The following SIGLEC7 variants were observed in gnomAD, a reference collection of about 807,000 sequenced individuals.
SIGLEC7 encodes the protein sialic acid binding Ig like lectin 7, also known as sialic acid-binding Ig-like lectin 7.
SIGLEC7 carries 33 observed loss-of-function variants against 40.8 expected under a neutral mutation model. The observed-to-expected ratio is 0.81, with a 90% CI of 0.61 to 1.08. SIGLEC7 has a LOEUF of 1.08. SIGLEC7 is among the 50% of genes least tolerant of loss of function. SIGLEC7 has a pLI of 0.00. For synonymous variants in SIGLEC7, 242 were observed against 237.6 expected, an observed-to-expected ratio of 1.02 and a Z score of -0.17; for missense variants, 513 against 576.1, an observed-to-expected ratio of 0.89 and a Z score of 1.12.
At chr19:51,150,358 G>T (rs1050750683) in intron 6 of SIGLEC7, among the ~76,000 whole-genome samples, 1 of 152,164 alleles carries the variant, frequency 6.6e-6, no homozygotes. Context: ...AACACGAAGC[G>T]ATGCTGAATT....
chr19:51,145,976 C>T lies in SIGLEC7; in HGVS notation c.882C>T (p.Thr294=), dbSNP rs1599832072. 1.2e-5 allele frequency: 19 copies of T among 1,614,220 alleles called. No individual in the cohort carries two copies. The East Asian group carries it at 4.2e-4, about 36-fold the overall frequency. ...TGAGCTGGACCTGGAGGAGTCTGAC[C>T]CTGTACCCCTCACAGCCCTCAAACC... The part of the protein sequence containing the change: ...ARLSWTWRSL[T]LYPSQPSNPL... Residue 294 remains threonine (T), a synonymous_variant, in exon 4 of 7, where the codon ACC becomes ACT. Transcript: ENST00000317643. This position sits in a 1 kb window ranked among gnomAD's most constrained non-coding sequence, Gnocchi z 4.3.
Position 51,147,284 on chromosome 19 carries a change from G to A in SIGLEC7, c.1188G>A (p.Lys396=). The part of the protein sequence containing the change: ...PAADVGDIGM[K]DANTIRGSAS... ...CGGACGTGGGAGACATAGGCATGAA[G>A]GATGCAAACACCATCAGGGGCTCAG... The change falls in exon 6 of 7, where the codon AAG becomes AAA. Residue 396 remains lysine, a synonymous_variant. Transcript: ENST00000317643. 1.2e-6 allele frequency: 2 copies of A among 1,612,190 alleles called. No individual in the cohort carries two copies. The highest frequency in any genetic ancestry group is 8.5e-7 in the Non-Finnish European group (1 of 1,178,786).
intron 1 of SIGLEC7, among the ~76,000 whole-genome samples, chr19:51,143,637 G>A (rs1290252876): frequency 2.6e-5 from 4 of 152,030 alleles, no homozygotes; most frequent in African/African-American, 9.7e-5. Flanking sequence ...CTGGGTTGAG[G>A]TCTCCAGCTC....
intron 1 of SIGLEC7, chr19:51,144,191 G>A (rs1300597601): frequency 1.3e-6 from 1 of 770,458 alleles, no homozygotes; most frequent in African/African-American, 1.7e-5. Context: ...GCAGCTCTCT[G>A]TGAATGTGAC....
At chr19:51,146,893 G>A in intron 5 of SIGLEC7, 43 bp downstream of exon 5, 1 of 1,572,230 alleles carries the variant, frequency 6.4e-7, no homozygotes. Flanking sequence ...CCTGGGGGAG[G>A]GCGGACTGGG....
chr19:51,142,887 G>T lies in SIGLEC7; in HGVS notation c.433+85G>T. 1 of 1,393,506 alleles carries T rather than the reference G, an allele frequency of 7.2e-7. No homozygotes were observed. Among genetic ancestry groups the T allele is most frequent in the Non-Finnish European group, 9.8e-7 (1 of 1,019,712 alleles). 86.3% of individuals were successfully genotyped at this position (1,393,506 alleles called of 1,614,324 possible). On this transcript the variant is annotated intron_variant, in intron 1 of 6. Coordinates refer to ENST00000317643, the MANE Select transcript of SIGLEC7 (RefSeq NM_014385.4). This position sits in a 1 kb window ranked among gnomAD's most constrained non-coding sequence, Gnocchi z 5.0. ...CTGAGACGGGACACATGTCCTGGGA[G>T]GGGGCCGGGGGTGATGGACTCAGGA...
intron 6 of SIGLEC7, among the ~76,000 whole-genome samples, chr19:51,151,300 G>T (rs2092141725): frequency 6.6e-6 from 1 of 152,230 alleles, no homozygotes. Flanking sequence ...GAATGGAGGT[G>T]CCAATCATTG....
In SIGLEC7 at chr19:51,153,423, A is replaced by G; in HGVS notation, c.*178A>G. On this transcript the variant is annotated 3_prime_UTR_variant, in exon 7 of 7. Transcript: ENST00000317643. Reference sequence around the variant, plus strand: ...ACCAAACTCTCCCTTTCCCCATCCAATCGGTCCACACTCCCCGCCCTGGCC... The same window carrying G: ...ACCAAACTCTCCCTTTCCCCATCCAGTCGGTCCACACTCCCCGCCCTGGCC... 1 of 453,288 alleles carries G rather than the reference A, an allele frequency of 2.2e-6. No individual in the cohort carries two copies. 28.1% of individuals were successfully genotyped at this position (453,288 alleles called of 1,614,324 possible). A position where few individuals can be genotyped will look rare whatever the true frequency, so the allele number is the denominator to read the frequency against.
rs533294268 is a variant in SIGLEC7 at position 51,142,796 on chromosome 19, G to C, written c.427G>C (p.Val143Leu). Reference sequence around the variant, plus strand: ...TAAATATGACCAGCTCTCTGTGAACGTGACAGGTAAGGCACGGGCTCCAAG... The same window carrying C: ...TAAATATGACCAGCTCTCTGTGAACCTGACAGGTAAGGCACGGGCTCCAAG... Reference protein sequence around the residue: ...NYKYDQLSVNVTALTHRPNIL... With the variant: ...NYKYDQLSVNLTALTHRPNIL... Residue 143 changes from valine to leucine, a missense_variant, in exon 1 of 7, where the codon GTG becomes CTG. By Grantham distance (32) the Val-to-Leu change is conservative. Transcript: ENST00000317643. This position sits in a 1 kb window ranked among gnomAD's most constrained non-coding sequence, Gnocchi z 5.0. 94 of 1,588,926 alleles carry C rather than the reference G, an allele frequency of 5.9e-5. No homozygotes were observed. Among genetic ancestry groups the C allele is most frequent in the Non-Finnish European group, 6.9e-5 (80 of 1,166,208 alleles).
chr19:51,146,886 G>A (rs373238870), intron 5 of SIGLEC7, 36 bp downstream of exon 5: 1 of 1,582,214 alleles, frequency 6.3e-7, no homozygotes, highest in African/African-American at 1.3e-5. Context: ...GGAGAGTCCT[G>A]GGGGAGGGCG....
At position 51,146,775 on chromosome 19, in the gene SIGLEC7, G is replaced by A. The variant is rs1403447488; in HGVS notation, c.1049G>A (p.Gly350Glu). The A allele has an allele frequency of 6.2e-7, 1 of 1,613,910 alleles. No homozygotes were observed. The highest frequency in any genetic ancestry group is 8.5e-7 in the Non-Finnish European group (1 of 1,179,910). ...EYTGKMRPVS[G>E]VLLGAVGGAG... is the part of the protein sequence containing the mutation. Reference sequence around the variant, plus strand: ...TCAGGCAAAATGAGGCCTGTATCAGGAGTGTTGCTGGGGGCGGTCGGGGGA... The same window carrying A: ...TCAGGCAAAATGAGGCCTGTATCAGAAGTGTTGCTGGGGGCGGTCGGGGGA... The change falls in exon 5 of 7, where the codon GGA becomes GAA. Residue 350 changes from glycine to glutamate, a missense_variant. Coordinates refer to ENST00000317643, the MANE Select transcript of SIGLEC7 (RefSeq NM_014385.4).
chr19:51,144,390 C>T lies in SIGLEC7; in HGVS notation c.434-16C>T, dbSNP rs993258258. The T allele has an allele frequency of 1.6e-5, 25 of 1,594,752 alleles. No individual in the cohort carries two copies. Among genetic ancestry groups the T allele is most frequent in the Non-Finnish European group, 1.9e-5 (22 of 1,172,940 alleles). On this transcript the variant is annotated splice_polypyrimidine_tract_variant and intron_variant, in intron 1 of 6. Transcript: ENST00000317643. ...GGATCCTCTGTCCTGATCCTGAGTC[C>T]CCCTCTCTTCACCAGCCTTGACCCA...
chr19:51,147,298 T>C lies in SIGLEC7; in HGVS notation c.1202T>C (p.Ile401Thr). 1.9e-6 allele frequency: 3 copies of C among 1,610,706 alleles called. No homozygotes were observed. Among genetic ancestry groups the C allele is most frequent in the Non-Finnish European group, 2.5e-6 (3 of 1,177,836 alleles). The change falls in exon 6 of 7, where the codon ATC becomes ACC. Residue 401 changes from isoleucine (I) to threonine (T), a missense_variant. Ile to Thr is a moderately conservative substitution (Grantham distance 89). Transcript: ENST00000317643. Reference protein sequence around the residue: ...GDIGMKDANTIRGSASQGNLT... With the variant: ...GDIGMKDANTTRGSASQGNLT... Reference sequence around the variant, plus strand: ...ATAGGCATGAAGGATGCAAACACCATCAGGGGCTCAGCCTCTCAGGTGAGT... The same window carrying C: ...ATAGGCATGAAGGATGCAAACACCACCAGGGGCTCAGCCTCTCAGGTGAGT...
intron 6 of SIGLEC7, 72 bp from the exon 7 acceptor site, chr19:51,152,991 C>A: frequency 7.6e-7 from 1 of 1,316,324 alleles, no homozygotes; most frequent in Non-Finnish European, 1.0e-6. Flanking sequence ...ACCGATCAAA[C>A]AACTTGTGAC....
At position 51,145,981 on chromosome 19, in the gene SIGLEC7, A is replaced by G; in HGVS notation, c.887A>G (p.Tyr296Cys). 1 of 1,614,016 alleles carries G rather than the reference A, an allele frequency of 6.2e-7. No homozygotes were observed. Among genetic ancestry groups the G allele is most frequent in the Non-Finnish European group, 8.5e-7 (1 of 1,180,000 alleles). The stretch of plus-strand genomic sequence containing the variant: ...TGGACCTGGAGGAGTCTGACCCTGT[A>G]CCCCTCACAGCCCTCAAACCCTCTG... Reference protein sequence around the residue: ...LSWTWRSLTLYPSQPSNPLVL... With the variant: ...LSWTWRSLTLCPSQPSNPLVL... The change falls in exon 4 of 7, where the codon TAC becomes TGC. Residue 296 changes from tyrosine (Y) to cysteine (C), a missense_variant. Tyr to Cys is a radical substitution (Grantham distance 194, BLOSUM62 -2). Coordinates refer to ENST00000317643, the MANE Select transcript of SIGLEC7 (RefSeq NM_014385.4). This position sits in a 1 kb window ranked among gnomAD's most constrained non-coding sequence, Gnocchi z 4.3.
At chr19:51,150,797 AAGGAG>A (rs1428226157) in intron 6 of SIGLEC7, among the ~76,000 whole-genome samples, 1 of 152,190 alleles carries the variant, frequency 6.6e-6, no homozygotes, top group African/African-American at 2.4e-5. Context: ...AGGAAGAGGA[AAGGAG>A]AGGAGCCATG....
chr19:51,152,397 G>T (rs1026165700), intron 6 of SIGLEC7, among the ~76,000 whole-genome samples: 1 of 152,156 alleles, frequency 6.6e-6, no homozygotes, highest in Non-Finnish European at 1.5e-5. Context: ...GGTTTCAGGG[G>T]ATTAGGGTAT....
chr19:51,144,262 C>T (rs273677), intron 1 of SIGLEC7, 144 bp from the exon 2 acceptor site: 1 of 1,363,368 alleles, frequency 7.3e-7, no homozygotes, highest in Non-Finnish European at 9.9e-7. Flanking sequence ...GCAGCGAAAG[C>T]CTGGGATGGG....
chr19:51,152,702 C>T (rs1479950098), intron 6 of SIGLEC7, among the ~76,000 whole-genome samples: 1 of 152,218 alleles, frequency 6.6e-6, no homozygotes, highest in Admixed American at 6.5e-5. Context: ...CGGATCAGGG[C>T]TTCACACACA....
Sources: gnomAD v4.1 joint callset for allele counts (sites outside exome capture counted in the v4.1 genomes callset) on GRCh38, gnomAD v4.1.1 for gene constraint, Gnocchi (gnomAD v3.1) non-coding constraint, MANE v1.5 for transcripts, NCBI Gene and HGNC (gene_info 2026-07-23, HGNC 2026-07-21) for gene names.